Variants in ADAM19 observed in about 807,000 individuals in gnomAD.
The protein encoded by ADAM19 is disintegrin and metalloproteinase domain-containing protein 19.
ADAM19 carries 65 observed loss-of-function variants against 114.7 expected under a neutral mutation model. The observed-to-expected ratio is 0.57, with a 90% CI of 0.46 to 0.70. The LOEUF (loss-of-function observed/expected upper bound fraction) is 0.70. Ranked by LOEUF, ADAM19 falls within the 30% of genes least tolerant of loss-of-function variation. The pLI, the probability that ADAM19 is intolerant of heterozygous loss-of-function variation, is 0.00. For missense variants in ADAM19, 1,063 were observed against 1,204.7 expected (o/e 0.88, Z 1.74); for synonymous variants, 466 against 460.5 (o/e 1.01, Z -0.15).
intron 7 of ADAM19, among the ~76,000 whole-genome samples, chr5:157,517,079 G>A (rs989029073): frequency 2.0e-5 from 3 of 152,306 alleles, no homozygotes; most frequent in Middle Eastern, 3.4e-3. Context: ...CCTCTGCCCA[G>A]TTAACTCCTC....
Position 157,489,040 on chromosome 5 carries a change from A to G in ADAM19, c.2325+62T>C. The G allele has an allele frequency of 2.8e-6, 4 of 1,424,320 alleles. No homozygotes were observed. In the South Asian group the frequency reaches 3.5e-5, roughly 12 times the overall value. The allele number at this position is 1,424,320 out of a possible 1,614,324, so 88.2% of individuals were successfully genotyped here. On this transcript the variant is annotated intron_variant, in intron 20 of 22. Transcript: ENST00000257527. Reference sequence around the variant, plus strand: ...GCAAGACTCCATCTCAAAAAGAAAAATACAGCATGGCCCTGAGGGATAAAG... The same window carrying G: ...GCAAGACTCCATCTCAAAAAGAAAAGTACAGCATGGCCCTGAGGGATAAAG...
intron 21 of ADAM19, among the ~76,000 whole-genome samples, chr5:157,483,087 C>G (rs548715209): frequency 9.6e-4 from 146 of 152,226 alleles, no homozygotes; most frequent in African/African-American, 3.4e-3. Flanking sequence ...GGAGGGATAG[C>G]ATTAGGAGAA....
chr5:157,537,203 A>G (rs1756791905), intron 4 of ADAM19, among the ~76,000 whole-genome samples: 1 of 152,188 alleles, frequency 6.6e-6, no homozygotes, highest in Admixed American at 6.6e-5. Flanking sequence ...TTGAGAATCA[A>G]CGTTCTGAGC....
chr5:157,496,239 T>C (rs1161377805), intron 14 of ADAM19, among the ~76,000 whole-genome samples: 1 of 152,214 alleles, frequency 6.6e-6, no homozygotes, highest in African/African-American at 2.4e-5. Flanking sequence ...TAGGGCTGCC[T>C]CCTTATTTAG....
At chr5:157,544,272 A>C (rs886858895) in intron 3 of ADAM19, among the ~76,000 whole-genome samples, 1 of 152,222 alleles carries the variant, frequency 6.6e-6, no homozygotes, top group Non-Finnish European at 1.5e-5. Context: ...GCCATCCAGA[A>C]GCCTGGCAAA....
At position 157,518,880 on chromosome 5, in the gene ADAM19, C is replaced by T; in HGVS notation, c.609G>A (p.Arg203=). ...CATACTTCATGGAGTTTAAATCTTC[C>T]CTTTTCATCTAAGAAAGAGAAACAG... ...QTKKRPRRMK[R]EDLNSMKYVE... Residue 203 remains arginine (R), a synonymous_variant, in exon 7 of 23, where the codon AGG becomes AGA. Coordinates refer to ENST00000257527, the MANE Select transcript of ADAM19 (RefSeq NM_033274.5). The T allele has an allele frequency of 1.2e-6, 2 of 1,613,838 alleles. No homozygotes were observed. The highest frequency in any genetic ancestry group is 8.5e-7 in the Non-Finnish European group (1 of 1,179,716).
At chr5:157,495,036 C>G (rs1009247077) in intron 14 of ADAM19, among the ~76,000 whole-genome samples, 1 of 152,018 alleles carries the variant, frequency 6.6e-6, no homozygotes, top group Non-Finnish European at 1.5e-5. Context: ...GTCACCCAAG[C>G]TGTAATACAG....
At chr5:157,488,759 T>C (rs1412930425) in intron 20 of ADAM19, among the ~76,000 whole-genome samples, 1 of 152,104 alleles carries the variant, frequency 6.6e-6, no homozygotes, top group Non-Finnish European at 1.5e-5. Context: ...CGGCCGGGCA[T>C]GGTGGCTCAT....
rs764783213 is a variant in ADAM19 at position 157,490,303 on chromosome 5, G to C, written c.2240+7C>G. The C allele has an allele frequency of 6.2e-7, 1 of 1,614,062 alleles. No individual in the cohort carries two copies. Among genetic ancestry groups the C allele is most frequent in the East Asian group, 2.2e-5 (1 of 44,856 alleles). ...GACCCTGAGTCCTCCATTGAACCCT[G>C]TCATACCTGAACTGTTGCCTCAGCT... On this transcript the variant is annotated splice_region_variant and intron_variant, in intron 19 of 22. Coordinates refer to ENST00000257527, the MANE Select transcript of ADAM19 (RefSeq NM_033274.5).
intron 3 of ADAM19, among the ~76,000 whole-genome samples, chr5:157,542,347 T>C (rs576363944): frequency 7.5e-4 from 115 of 152,328 alleles, no homozygotes; most frequent in Non-Finnish European, 1.3e-3. Flanking sequence ...AATTCTTTTT[T>C]TTATTTCTAG....
chr5:157,573,303 C>T (rs1757881706), intron 1 of ADAM19, among the ~76,000 whole-genome samples: 1 of 152,180 alleles, frequency 6.6e-6, no homozygotes, highest in African/African-American at 2.4e-5. Flanking sequence ...GTTTAACAGA[C>T]TCACCCATGG....
At chr5:157,544,507 G>T (rs1436632271) in intron 3 of ADAM19, among the ~76,000 whole-genome samples, 2 of 152,170 alleles carry the variant, frequency 1.3e-5, no homozygotes, top group African/African-American at 4.8e-5. Flanking sequence ...GGCCAGCAGG[G>T]TCTTTACTTA....
chr5:157,502,269 C>A (rs1755588625), intron 12 of ADAM19, among the ~76,000 whole-genome samples: 1 of 152,230 alleles, frequency 6.6e-6, no homozygotes. Context: ...GTACCCTCCA[C>A]ACTCACTGTG....
intron 21 of ADAM19, among the ~76,000 whole-genome samples, chr5:157,484,788 G>A (rs1754879016): frequency 6.6e-6 from 1 of 152,202 alleles, no homozygotes. Context: ...AGACCTTCTG[G>A]GGCAGGTGAC....
chr5:157,538,698 C>G (rs750496090), intron 3 of ADAM19, among the ~76,000 whole-genome samples: 1 of 152,182 alleles, frequency 6.6e-6, no homozygotes, highest in Non-Finnish European at 1.5e-5. Flanking sequence ...ACATTGGTTT[C>G]TCTCACCACA....
chr5:157,484,979 C>T (rs756229314), intron 21 of ADAM19, among the ~76,000 whole-genome samples: 1 of 152,230 alleles, frequency 6.6e-6, no homozygotes, highest in Non-Finnish European at 1.5e-5. Flanking sequence ...CTACCAGGGC[C>T]CTCGCCCAGC....
chr5:157,500,045 C>T (rs1755509959), intron 12 of ADAM19, among the ~76,000 whole-genome samples: 1 of 152,084 alleles, frequency 6.6e-6, no homozygotes, highest in Admixed American at 6.5e-5. Flanking sequence ...TCCCAAAGTG[C>T]TGGGATTATA....
rs545678053 is a variant in ADAM19, at chr5:157,502,789, T to C, written c.1308+14A>G. 3.7e-6 allele frequency: 6 copies of C among 1,612,264 alleles called. No homozygotes were observed. Among genetic ancestry groups the C allele is most frequent in the Middle Eastern group, 1.7e-4 (1 of 6,046 alleles). ...AATTCTTCCCCTCCCACTAGCACCATTGTGACCCCTCACCTCTTCTTCTCC... is the reference window on the plus strand; with the variant it reads ...AATTCTTCCCCTCCCACTAGCACCACTGTGACCCCTCACCTCTTCTTCTCC... On this transcript the variant is annotated intron_variant, in intron 12 of 22. Coordinates refer to ENST00000257527, the MANE Select transcript of ADAM19 (RefSeq NM_033274.5).
intron 3 of ADAM19, among the ~76,000 whole-genome samples, chr5:157,544,030 A>G (rs1756985097): frequency 6.6e-6 from 1 of 152,240 alleles, no homozygotes; most frequent in Non-Finnish European, 1.5e-5. Context: ...GAAACAAACC[A>G]ACGTGCCAAA....
Sources: gnomAD v4.1 joint callset for allele counts (sites outside exome capture counted in the v4.1 genomes callset) on GRCh38, gnomAD v4.1.1 for gene constraint, MANE v1.5 for transcripts, NCBI Gene and HGNC (gene_info 2026-07-23, HGNC 2026-07-21) for gene names.